SPMIP2: variants seen among roughly 807,000 people sequenced by gnomAD.
SPMIP2 encodes the protein protein SPMIP2.
At chr4:159,043,841 G>A in the SPMIP2 span, among the ~76,000 whole-genome samples, 1 of 152,120 alleles carries the variant, frequency 6.6e-6, no homozygotes, top group South Asian at 2.1e-4. Flanking sequence ...TACTTTTGAT[G>A]TTAAAAGAGA....
the SPMIP2 span, among the ~76,000 whole-genome samples, chr4:158,899,251 A>G: frequency 6.6e-6 from 1 of 152,152 alleles, no homozygotes; most frequent in Non-Finnish European, 1.5e-5. Flanking sequence ...TCAGTTTGCC[A>G]GTGTTTTATT....
the SPMIP2 span, among the ~76,000 whole-genome samples, chr4:159,082,449 C>CTGTGTGTGTGTGTGTGTGTGTGTG: frequency 9.0e-6 from 1 of 111,604 alleles, no homozygotes; most frequent in Non-Finnish European, 1.9e-5. Flanking sequence ...CCACTTTTCT[C>CTGTGTGTGTGTGTGTGTGTGTGTG]TGTGTGTGTG....
chr4:158,894,366 C>T, the SPMIP2 span, among the ~76,000 whole-genome samples: 1 of 151,926 alleles, frequency 6.6e-6, no homozygotes, highest in Non-Finnish European at 1.5e-5. Context: ...GAGACAGAGG[C>T]TCACTATGTT....
the SPMIP2 span, among the ~76,000 whole-genome samples, chr4:158,941,412 A>G: frequency 1.3e-5 from 2 of 152,174 alleles, no homozygotes; most frequent in Admixed American, 6.5e-5. Flanking sequence ...ATTTATACTC[A>G]CTGGGTGGTT....
the SPMIP2 span, among the ~76,000 whole-genome samples, chr4:158,982,064 G>T: frequency 6.6e-6 from 1 of 152,058 alleles, no homozygotes; most frequent in Non-Finnish European, 1.5e-5. Flanking sequence ...AAAAGCAGGG[G>T]TTGCAATCCT....
At chr4:158,923,164 C>A in the SPMIP2 span, among the ~76,000 whole-genome samples, 1 of 152,144 alleles carries the variant, frequency 6.6e-6, no homozygotes, top group Non-Finnish European at 1.5e-5. Flanking sequence ...ATTACTGTAG[C>A]TTTATAGCAA....
the SPMIP2 span, among the ~76,000 whole-genome samples, chr4:159,039,578 G>A: frequency 6.6e-6 from 1 of 152,238 alleles, no homozygotes; most frequent in African/African-American, 2.4e-5. Flanking sequence ...TGTACATGCT[G>A]CACAACAGGC....
the SPMIP2 span, among the ~76,000 whole-genome samples, chr4:159,081,552 G>A: frequency 6.6e-6 from 1 of 151,972 alleles, no homozygotes; most frequent in African/African-American, 2.4e-5. Context: ...TTAGCTTGGT[G>A]TGGTGGCGCA....
chr4:158,945,494 C>T, the SPMIP2 span, among the ~76,000 whole-genome samples: 1 of 152,172 alleles, frequency 6.6e-6, no homozygotes, highest in Non-Finnish European at 1.5e-5. Flanking sequence ...TTTCATCGAA[C>T]ATGGAAGAGA....
At chr4:158,927,839 C>T in the SPMIP2 span, among the ~76,000 whole-genome samples, 4 of 150,110 alleles carry the variant, frequency 2.7e-5, no homozygotes, top group African/African-American at 7.6e-5. Context: ...AGGGGCTTAG[C>T]ACCCGGGCCA....
At chr4:158,972,888 C>G in the SPMIP2 span, among the ~76,000 whole-genome samples, 1 of 152,220 alleles carries the variant, frequency 6.6e-6, no homozygotes. Context: ...CATACCCTTC[C>G]CTTGATGTAT....
At chr4:158,905,406 G>A in the SPMIP2 span, 7 of 152,078 alleles carry the variant, frequency 4.6e-5, no homozygotes, top group Admixed American at 2.6e-4. Flanking sequence ...AGAGTGTTTC[G>A]GTTGGTAAGT....
At chr4:159,032,014 G>A in the SPMIP2 span, among the ~76,000 whole-genome samples, 189 of 152,330 alleles carry the variant, frequency 1.2e-3, no homozygotes, top group Non-Finnish European at 2.2e-3. Context: ...CGGAGGTCAG[G>A]AGTTTGAGAC....
chr4:158,999,026 T>G, the SPMIP2 span, among the ~76,000 whole-genome samples: 1 of 152,008 alleles, frequency 6.6e-6, no homozygotes, highest in African/African-American at 2.4e-5. Context: ...TAACTGGGCA[T>G]GGTGGCACAC....
chr4:158,939,684 G>A, the SPMIP2 span, among the ~76,000 whole-genome samples: 1 of 151,756 alleles, frequency 6.6e-6, no homozygotes, highest in African/African-American at 2.4e-5. Context: ...CTTATTTGTT[G>A]AAAAAAACTG....
the SPMIP2 span, among the ~76,000 whole-genome samples, chr4:158,927,289 G>C: frequency 6.6e-6 from 1 of 152,114 alleles, no homozygotes; most frequent in East Asian, 1.9e-4. Context: ...TAAATTATCT[G>C]ACATTAGAGA....
chr4:159,079,599 G>C, the SPMIP2 span, among the ~76,000 whole-genome samples: 1 of 152,186 alleles, frequency 6.6e-6, no homozygotes, highest in Non-Finnish European at 1.5e-5. Flanking sequence ...TGTATTGGCT[G>C]TTTTCATGGC....
At chr4:159,007,562 G>A in the SPMIP2 span, 2 of 1,091,096 alleles carry the variant, frequency 1.8e-6, no homozygotes, top group South Asian at 2.4e-5. Flanking sequence ...TGCTGGAGAG[G>A]GTGAATGCCG....
the SPMIP2 span, among the ~76,000 whole-genome samples, chr4:158,903,519 G>A: frequency 6.6e-5 from 10 of 152,278 alleles, 1 homozygote; most frequent in East Asian, 1.5e-3. Flanking sequence ...GCATCAACAC[G>A]TGTAATCATA....
Sources: gnomAD v4.1 joint callset for allele counts (sites outside exome capture counted in the v4.1 genomes callset) on GRCh38, gnomAD v4.1.1 for gene constraint, MANE v1.5 for transcripts, NCBI Gene and HGNC (gene_info 2026-07-23, HGNC 2026-07-21) for gene names.